Variants in ALDH1L2 observed in about 807,000 individuals in gnomAD.
The protein encoded by ALDH1L2 is mitochondrial 10-formyltetrahydrofolate dehydrogenase.
ALDH1L2 carries 91 observed loss-of-function variants against 111.0 expected under a neutral mutation model. That is an observed-to-expected ratio of 0.82 (90% CI 0.69 to 0.98). The LOEUF (loss-of-function observed/expected upper bound fraction) is 0.98, where lower values mean the gene tolerates loss of function less well. Ranked by LOEUF, ALDH1L2 falls within the 50% of genes least tolerant of loss-of-function variation. The pLI is 0.00. For missense variants in ALDH1L2, 995 were observed against 1,126.8 expected, an observed-to-expected ratio of 0.88 and a Z score of 1.67; for synonymous variants, 374 against 392.6, an observed-to-expected ratio of 0.95 and a Z score of 0.56.
At position 105,076,316 on chromosome 12, in the gene ALDH1L2, G is replaced by A. The variant is rs144521492; in HGVS notation, c.49-2311C>T. On this transcript the variant is annotated intron_variant, in intron 1 of 22. Transcript: ENST00000258494. Reference sequence around the variant, plus strand: ...ACAAGATTCTGCCCTGGGGAGTTTCGGTCAGGAAGAAATGGTGGAAATAAG... The same window carrying A: ...ACAAGATTCTGCCCTGGGGAGTTTCAGTCAGGAAGAAATGGTGGAAATAAG... Among the ~76,000 whole-genome samples, 929 of 152,222 alleles carry A rather than the reference G, an allele frequency of 6.1e-3. 7 individuals are homozygous for A. Among genetic ancestry groups the A allele is most frequent in the Non-Finnish European group, 9.5e-3 (644 of 68,004 alleles).
At chr12:105,063,820 A>G (rs567441449) in intron 6 of ALDH1L2, among the ~76,000 whole-genome samples, 59 of 152,278 alleles carry the variant, frequency 3.9e-4, no homozygotes, top group African/African-American at 1.4e-3. Flanking sequence ...TAACCAAGAG[A>G]CACTGACGCT....
chr12:105,079,742 A>C (rs1878247548), intron 1 of ALDH1L2, among the ~76,000 whole-genome samples: 1 of 143,236 alleles, frequency 7.0e-6, no homozygotes, highest in Non-Finnish European at 1.6e-5. Flanking sequence ...ACGAAAAGAA[A>C]AGATCACAGA....
chr12:105,063,732 C>T (rs2136094498), intron 6 of ALDH1L2, among the ~76,000 whole-genome samples: 1 of 152,206 alleles, frequency 6.6e-6, no homozygotes, highest in South Asian at 2.1e-4. Flanking sequence ...CAGACTATTA[C>T]AGTGCAGGGT....
At position 105,024,454 on chromosome 12, in the gene ALDH1L2, G is replaced by T. The variant is rs753787227; in HGVS notation, c.2742C>A (p.Leu914=). 9 of 1,613,940 alleles carry T rather than the reference G, an allele frequency of 5.6e-6. No individual in the cohort carries two copies. The African/African-American group carries it at 1.1e-4, about 19-fold the overall frequency. ...DLGEEALNEY[L]KTKTVTLEY ...ATTCCAGTGTCACCGTCTTGGTTTT[G>T]AGATATTCATTTAGAGCTTCCTCAC... The change falls in exon 23 of 23, where the codon CTC becomes CTA. Residue 914 remains leucine, a synonymous_variant. Coordinates refer to ENST00000258494, the MANE Select transcript of ALDH1L2 (RefSeq NM_001034173.4).
intron 11 of ALDH1L2, among the ~76,000 whole-genome samples, chr12:105,052,482 T>A (rs562459570): frequency 2.0e-4 from 30 of 152,330 alleles, no homozygotes; most frequent in African/African-American, 6.7e-4. Flanking sequence ...CTTCCAGTGC[T>A]TTAGGAAAGC....
chr12:105,081,916 G>A (rs193126757), intron 1 of ALDH1L2, among the ~76,000 whole-genome samples: 5 of 152,286 alleles, frequency 3.3e-5, no homozygotes, highest in South Asian at 2.1e-4. Flanking sequence ...TAATTAGGCC[G>A]GGCACAGTGG....
chr12:105,060,075 C>T (rs1876895170), intron 9 of ALDH1L2, among the ~76,000 whole-genome samples: 1 of 152,120 alleles, frequency 6.6e-6, no homozygotes, highest in African/African-American at 2.4e-5. Flanking sequence ...CTCTAAACCT[C>T]TGTGGAGAAA....
intron 1 of ALDH1L2, among the ~76,000 whole-genome samples, chr12:105,083,908 C>T (rs1218759119): frequency 6.6e-6 from 1 of 152,204 alleles, no homozygotes; most frequent in African/African-American, 2.4e-5. Context: ...TTATCTGAAC[C>T]GGCCCTGCGT....
chr12:105,061,142 T>G, intron 8 of ALDH1L2, 70 bp from the exon 9 acceptor site: 1 of 1,310,912 alleles, frequency 7.6e-7, no homozygotes, highest in Non-Finnish European at 1.1e-6. Flanking sequence ...GGGCTAGCTC[T>G]TCACCAAACC....
At chr12:105,027,568 C>T (rs138319649) in intron 21 of ALDH1L2, among the ~76,000 whole-genome samples, 1 of 152,188 alleles carries the variant, frequency 6.6e-6, no homozygotes, top group Non-Finnish European at 1.5e-5. Flanking sequence ...TCCATCTCCC[C>T]TCGCCTTCAT....
At position 105,037,967 on chromosome 12, in the gene ALDH1L2, A is replaced by G. The variant is rs111288551; in HGVS notation, c.2145+136T>C. 2.1e-4 allele frequency: 124 copies of G among 604,692 alleles called. 2 individuals are homozygous for G. In the African/African-American group the frequency reaches 2.1e-3, roughly 10 times the overall value. The allele number at this position is 604,692 out of a possible 1,614,324, so 37.5% of individuals were successfully genotyped here. ...TTTTTACTAGAGACGGGGTTTCACC[A>G]TGTTGGTCAGGCTCGTCTTGAACTC... On this transcript the variant is annotated intron_variant, in intron 18 of 22. Coordinates refer to ENST00000258494, the MANE Select transcript of ALDH1L2 (RefSeq NM_001034173.4).
rs1188473754 is a variant in ALDH1L2, at chr12:105,031,916, T to G, written c.2263A>C (p.Met755Leu). Residue 755 changes from methionine (M) to leucine (L), a missense_variant, in exon 20 of 23, where the codon ATG becomes CTG. By Grantham distance (15) the Met-to-Leu change is conservative. Transcript: ENST00000258494. ...CTGTCAAGTGGATCACCAATTTTCA[T>G]CTTTTTAATTTCTTCTACCTGTATG... ...VTRVVEEIKK[M>L]KIGDPLDRST... 1.9e-6 allele frequency: 3 copies of G among 1,614,160 alleles called. No individual in the cohort carries two copies. Among genetic ancestry groups the G allele is most frequent in the South Asian group, 1.1e-5 (1 of 91,080 alleles).
chr12:105,071,682 A>G (rs867569918), intron 2 of ALDH1L2, among the ~76,000 whole-genome samples: 1,190 of 71,572 alleles, frequency 0.017, 25 homozygotes, highest in Non-Finnish European at 0.023. Context: ...TGTGAGACGG[A>G]GTCTCGCTCT....
At position 105,052,880 on chromosome 12, in the gene ALDH1L2, T is replaced by G; in HGVS notation, c.1339A>C (p.Ile447Leu). The change falls in exon 11 of 23, where the codon ATA (isoleucine) becomes CTA (leucine). Residue 447 changes from isoleucine to leucine, a missense_variant. Physicochemically the swap from Ile to Leu is conservative, Grantham distance 5. Coordinates refer to ENST00000258494, the MANE Select transcript of ALDH1L2 (RefSeq NM_001034173.4). ...TCTGCATCTGTGAACTGTCCATTTATGAAACACTGGTATGGCATTTTTACC... is the reference window on the plus strand; with the variant it reads ...TCTGCATCTGTGAACTGTCCATTTAGGAAACACTGGTATGGCATTTTTACC... ...IMVKMPYQCF[I>L]NGQFTDADDG... The G allele has an allele frequency of 6.2e-7, 1 of 1,614,118 alleles. No individual in the cohort carries two copies. Among genetic ancestry groups the G allele is most frequent in the Non-Finnish European group, 8.5e-7 (1 of 1,179,956 alleles).
chr12:105,080,228 G>A (rs1810956212), intron 1 of ALDH1L2, among the ~76,000 whole-genome samples: 1 of 152,078 alleles, frequency 6.6e-6, no homozygotes, highest in South Asian at 2.1e-4. Context: ...CTAGAGTAGT[G>A]GATGAACTGT....
chr12:105,046,908 T>C lies in ALDH1L2; in HGVS notation c.1748A>G (p.Glu583Gly), dbSNP rs1875956959. The change falls in exon 14 of 23, where the codon GAG becomes GGG. Residue 583 changes from glutamate (E) to glycine (G), a missense_variant. By Grantham distance (98) the Glu-to-Gly change is moderately conservative (BLOSUM62 -2). Coordinates refer to ENST00000258494, the MANE Select transcript of ALDH1L2 (RefSeq NM_001034173.4). ...ACTCTCCTTATCTTACCCGAGTGGC[T>C]CTTTCTTGGTGAAGGTCAGATTGCG... ...PNRNLTFTKK[E>G]PLGVCAIIIP... 1 of 1,613,962 alleles carries C rather than the reference T, an allele frequency of 6.2e-7. No individual in the cohort carries two copies. The highest frequency in any genetic ancestry group is 1.3e-5 in the African/African-American group (1 of 74,912).
intron 17 of ALDH1L2, 36 bp downstream of exon 17, chr12:105,039,677 A>G (rs1034765183): frequency 3.8e-6 from 6 of 1,573,772 alleles, no homozygotes; most frequent in Non-Finnish European, 4.4e-6. Context: ...CTAGTTTAAC[A>G]GGATCTGCAG....
Position 105,024,316 on chromosome 12 carries a change from T to G in ALDH1L2, c.*108A>C. 1 of 1,267,572 alleles carries G rather than the reference T, an allele frequency of 7.9e-7. No individual in the cohort carries two copies. The allele number at this position is 1,267,572 out of a possible 1,614,324, so 78.5% of individuals were successfully genotyped here. ...CCCTCTTCATGGTCCATCTGTGTAT[T>G]TTTTGGTTTGTGGCTGACACCTCCT... On this transcript the variant is annotated 3_prime_UTR_variant, in exon 23 of 23. Transcript: ENST00000258494.
intron 2 of ALDH1L2, among the ~76,000 whole-genome samples, chr12:105,071,085 G>C (rs1877658330): frequency 6.6e-6 from 1 of 152,126 alleles, no homozygotes; most frequent in Non-Finnish European, 1.5e-5. Flanking sequence ...GATCAAAAAT[G>C]GTACCTTTAT....
Sources: allele counts gnomAD v4.1 joint callset (sites outside exome capture counted in the v4.1 genomes callset), GRCh38; gene constraint gnomAD v4.1.1; transcripts MANE v1.5; gene names NCBI Gene and HGNC (gene_info 2026-07-23, HGNC 2026-07-21).